ADAM20: variants seen among roughly 807,000 people sequenced by gnomAD.
The protein encoded by ADAM20 is ADAM metallopeptidase domain 20.
For synonymous variants in ADAM20, 305 were observed against 310.2 expected (o/e 0.98, Z 0.18); for missense variants, 871 against 883.2 (o/e 0.99, Z 0.18).
At chr14:70,539,277 A>G (rs1883898766), upstream of ADAM20, among the ~76,000 whole-genome samples, 5 of 151,982 alleles carry the variant, frequency 3.3e-5, no homozygotes, top group African/African-American at 1.2e-4. Context: ...TTGGTCTGCC[A>G]GACGAGCCAA....
chr14:70,531,166 G>A (rs377617018), intron 1 of ADAM20, among the ~76,000 whole-genome samples: 1 of 152,028 alleles, frequency 6.6e-6, no homozygotes, highest in African/African-American at 2.4e-5. Context: ...GAAATAAAAA[G>A]GTCTAAAAGA....
Position 70,534,860 on chromosome 14 carries a change from C to T in ADAM20, c.-240G>A, listed in dbSNP as rs1883798718. 3 of 152,094 alleles carry T rather than the reference C, an allele frequency of 2.0e-5. No homozygotes were observed. The highest frequency in any genetic ancestry group is 7.2e-5 in the African/African-American group (3 of 41,498). The allele number at this position is 152,094 out of a possible 1,614,324, so 9.4% of individuals were successfully genotyped here. ...CCTCTAATAACTTTTTAAATTTTTC[C>T]TATATTAATTTTCCTTGGTGTGTTT... On this transcript the variant is annotated 5_prime_UTR_variant, in exon 1 of 2. Transcript: ENST00000256389.
rs1254012463 is a variant in ADAM20 at position 70,524,732 on chromosome 14, TGCACC to T, written c.21_25del (p.Val8HisfsTer55). The T allele has an allele frequency of 6.2e-7, 1 of 1,613,814 alleles. No homozygotes were observed. The highest frequency in any genetic ancestry group is 1.3e-5 in the African/African-American group (1 of 74,894). ...GAGCAGCAGAAGAGTGACCCTGATG[TGCACC>T]AGGGGCTCACCCACTGCCATTATGA... On this transcript the variant is annotated frameshift_variant, in exon 2 of 2. Coordinates refer to ENST00000256389, the MANE Select transcript of ADAM20 (RefSeq NM_003814.5). LOFTEE classifies it low-confidence loss of function (END_TRUNC).
At chr14:70,525,512 A>T (rs1435163774) in intron 1 of ADAM20, among the ~76,000 whole-genome samples, 1 of 152,176 alleles carries the variant, frequency 6.6e-6, no homozygotes, top group Non-Finnish European at 1.5e-5. Flanking sequence ...ATGAGCTGTC[A>T]TACCGAGCAA....
chr14:70,526,561 T>C (rs1281742503), intron 1 of ADAM20, among the ~76,000 whole-genome samples: 6 of 152,206 alleles, frequency 3.9e-5, no homozygotes, highest in Non-Finnish European at 8.8e-5. Context: ...AAAAGCCTTG[T>C]AGAGAAGATA....
the ADAM20 span, among the ~76,000 whole-genome samples, chr14:70,572,949 G>A: frequency 1.3e-5 from 2 of 152,114 alleles, no homozygotes; most frequent in African/African-American, 4.8e-5. Context: ...TGTTGGTATG[G>A]CTGTAGAGAA....
chr14:70,523,653 A>C lies in ADAM20; in HGVS notation c.1105T>G (p.Tyr369Asp). ...CELQWCIMHAYRKVTTKFSNC... is the reference protein window; with the variant it reads ...CELQWCIMHADRKVTTKFSNC... ...CTAAATTTAGTTGTCACCTTTCTAT[A>C]GGCATGCATTATGCACCACTGTAGC... Residue 369 changes from tyrosine (Y) to aspartate (D), a missense_variant, in exon 2 of 2, where the codon TAT becomes GAT. Physicochemically the swap from Tyr to Asp is radical, Grantham distance 160. Coordinates refer to ENST00000256389, the MANE Select transcript of ADAM20 (RefSeq NM_003814.5). 1 of 1,614,078 alleles carries C rather than the reference A, an allele frequency of 6.2e-7. No individual in the cohort carries two copies. Among genetic ancestry groups the C allele is most frequent in the Non-Finnish European group, 8.5e-7 (1 of 1,179,972 alleles).
intron 1 of ADAM20, among the ~76,000 whole-genome samples, chr14:70,532,080 C>T (rs1883723362): frequency 6.6e-6 from 1 of 152,054 alleles, no homozygotes; most frequent in Non-Finnish European, 1.5e-5. Context: ...AAGCCTCATA[C>T]TATCTGACTT....
chr14:70,522,719 T>A lies in ADAM20; in HGVS notation c.2039A>T (p.Asn680Ile). ...GSADSGPPPKNNMEGLNVMGK... is the reference protein window; with the variant it reads ...GSADSGPPPKINMEGLNVMGK... ...CATCACATTTAATCCTTCCATGTTG[T>A]TCTTAGGAGGTGGGCCACTATCAGC... Residue 680 changes from asparagine (N) to isoleucine (I), a missense_variant, in exon 2 of 2, where the codon AAC becomes ATC. Asn to Ile is a moderately radical substitution (Grantham distance 149, BLOSUM62 -3). Coordinates refer to ENST00000256389, the MANE Select transcript of ADAM20 (RefSeq NM_003814.5). The A allele has an allele frequency of 6.2e-7, 1 of 1,614,050 alleles. No homozygotes were observed. Among genetic ancestry groups the A allele is most frequent in the Non-Finnish European group, 8.5e-7 (1 of 1,179,938 alleles).
Position 70,523,825 on chromosome 14 carries a change from G to C in ADAM20, c.933C>G (p.Ala311=). The change falls in exon 2 of 2, where the codon GCC becomes GCG. Residue 311 remains alanine, a synonymous_variant. Coordinates refer to ENST00000256389, the MANE Select transcript of ADAM20 (RefSeq NM_003814.5). ...KDTQGMKLGV[A]YVKGICQNPF... is the part of the protein sequence containing the mutation. ...GATTCTGGCATATTCCTTTAACATA[G>C]GCAACACCAAGCTTCATGCCTTGTG... is the stretch of plus-strand genomic sequence containing the variant. The C allele has an allele frequency of 1.2e-6, 2 of 1,613,944 alleles. No homozygotes were observed. Among genetic ancestry groups the C allele is most frequent in the Non-Finnish European group, 1.7e-6 (2 of 1,179,940 alleles).
At chr14:70,566,589 T>G in the ADAM20 span, among the ~76,000 whole-genome samples, 1 of 152,166 alleles carries the variant, frequency 6.6e-6, no homozygotes. Flanking sequence ...CATCAATAAT[T>G]ACTTTATATG....
the ADAM20 span, among the ~76,000 whole-genome samples, chr14:70,578,823 T>G: frequency 6.6e-6 from 1 of 152,208 alleles, no homozygotes; most frequent in African/African-American, 2.4e-5. Context: ...TGATAAGTTT[T>G]TCAACGCTTG....
the ADAM20 span, among the ~76,000 whole-genome samples, chr14:70,567,647 G>A: frequency 2.6e-5 from 4 of 152,018 alleles, no homozygotes; most frequent in African/African-American, 4.8e-5. Context: ...TTACTCGAAT[G>A]GCGGGGCCTA....
rs759360250 is a variant in ADAM20 at position 70,534,796 on chromosome 14, C to A, written c.-177+1G>T. 6.6e-6 allele frequency: 1 copy of A among 152,130 alleles called. No individual in the cohort carries two copies. Among genetic ancestry groups the A allele is most frequent in the Non-Finnish European group, 1.5e-5 (1 of 68,026 alleles). 9.4% of individuals were successfully genotyped at this position (152,130 alleles called of 1,614,324 possible). ...CTGTAGCTCCTTCTAGCAAATCTTA[C>A]CTCTGTGTCTTTCAGTGTTCCATTT... On this transcript the variant is annotated splice_donor_variant, in intron 1 of 1. Transcript: ENST00000256389. LOFTEE classifies it low-confidence loss of function (5UTR_SPLICE).
At chr14:70,556,272 T>C in the ADAM20 span, 1 of 152,358 alleles carries the variant, frequency 6.6e-6, no homozygotes, top group Non-Finnish European at 1.5e-5. Context: ...GCTGTCTTAA[T>C]GGCCTGCACC....
At chr14:70,542,932 C>G in the ADAM20 span, among the ~76,000 whole-genome samples, 1 of 150,286 alleles carries the variant, frequency 6.7e-6, no homozygotes, top group Non-Finnish European at 1.5e-5. Context: ...GAGCAAGACT[C>G]CATCTCAAAA....
the ADAM20 span, chr14:70,557,447 A>ATT: frequency 2.0e-5 from 3 of 152,234 alleles, no homozygotes; most frequent in Non-Finnish European, 4.4e-5. Flanking sequence ...ACTATTAACA[A>ATT]TTCTTTGCAC....
chr14:70,574,281 G>A, the ADAM20 span, among the ~76,000 whole-genome samples: 8 of 152,110 alleles, frequency 5.3e-5, no homozygotes, highest in African/African-American at 1.4e-4. Flanking sequence ...ATGAAAACAC[G>A]ACATACCAAA....
chr14:70,535,922 A>C (rs749720040), upstream of ADAM20, among the ~76,000 whole-genome samples: 1 of 152,218 alleles, frequency 6.6e-6, no homozygotes, highest in Non-Finnish European at 1.5e-5. Context: ...AAGAGATATA[A>C]AAGGATAAAT....
Sources: allele counts gnomAD v4.1 joint callset (sites outside exome capture counted in the v4.1 genomes callset), GRCh38; gene constraint gnomAD v4.1.1; transcripts MANE v1.5; gene names NCBI Gene and HGNC (gene_info 2026-07-23, HGNC 2026-07-21).